Variants in EPHA6 observed in about 807,000 individuals in gnomAD.
EPHA6 encodes EPH receptor A6, also known as ephrin type-A receptor 6.
Under a neutral mutation model 112.0 loss-of-function variants are expected in EPHA6, and 50 were observed. That is an observed-to-expected ratio of 0.45 (90% CI 0.36 to 0.56). The LOEUF is 0.56. EPHA6 is among the 20% of genes least tolerant of loss of function. The pLI, the probability that EPHA6 is intolerant of heterozygous loss-of-function variation, is 0.00. For synonymous variants in EPHA6, 529 were observed against 490.7 expected, an observed-to-expected ratio of 1.08 and a Z score of -1.03; for missense variants, 1,280 against 1,417.4, an observed-to-expected ratio of 0.90 and a Z score of 1.56.
In EPHA6 at chr3:97,257,266, CAT is replaced by C. The variant is rs200148038; in HGVS notation, c.1606+12980_1606+12981del. 2.8e-4 allele frequency among the ~76,000 whole-genome samples: 43 copies of C among 151,730 alleles called. No homozygotes were observed. In the East Asian group the frequency reaches 2.9e-3, roughly 10 times the overall value. The stretch of plus-strand genomic sequence containing the variant: ...TCTAAAAAAATTACAAAGCAAAAAA[CAT>C]GTGGCTTTAATGGGAATTTCATACA... On this transcript the variant is annotated intron_variant, in intron 5 of 17. Transcript: ENST00000389672.
At chr3:97,480,256 T>C (rs890479562) in intron 9 of EPHA6, among the ~76,000 whole-genome samples, 7 of 152,002 alleles carry the variant, frequency 4.6e-5, no homozygotes, top group Non-Finnish European at 4.4e-5. Flanking sequence ...TATTTATTGA[T>C]CATTCTTGGC....
At chr3:97,196,495 AG>A (rs1359539698) in intron 3 of EPHA6, among the ~76,000 whole-genome samples, 4 of 151,918 alleles carry the variant, frequency 2.6e-5, no homozygotes, top group African/African-American at 7.3e-5. Flanking sequence ...TGCCTTATTT[AG>A]TTCATTTTGT....
intron 3 of EPHA6, among the ~76,000 whole-genome samples, chr3:97,107,430 C>A (rs2047600761): frequency 6.6e-6 from 1 of 152,096 alleles, no homozygotes. Flanking sequence ...CATTTCATTT[C>A]TTGGTTGAAG....
chr3:97,009,947 A>C (rs1576314411), intron 3 of EPHA6: 1 of 523,624 alleles, frequency 1.9e-6, no homozygotes, highest in South Asian at 1.5e-5. Context: ...GAACCTGGTT[A>C]CCTTGGTTGC....
At chr3:97,459,982 G>A (rs1433479160) in intron 7 of EPHA6, among the ~76,000 whole-genome samples, 1 of 152,170 alleles carries the variant, frequency 6.6e-6, no homozygotes, top group Non-Finnish European at 1.5e-5. Flanking sequence ...GCCATCCCAA[G>A]TCAAACCTTC....
rs556972487 is a variant in EPHA6, at chr3:97,470,858, G to A, written c.1895-4494G>A. Among the ~76,000 whole-genome samples, 15 of 151,678 alleles carry A rather than the reference G, an allele frequency of 9.9e-5. No individual in the cohort carries two copies. In the East Asian group the frequency reaches 2.9e-3, roughly 29 times the overall value. ...TTTTTATCTTTGTCCAAGAATACAA[G>A]CTAACAATTAAACAAAGGATCATTT... On this transcript the variant is annotated intron_variant, in intron 7 of 17. Transcript: ENST00000389672.
At position 96,819,757 on chromosome 3, in the gene EPHA6, AAACTG is replaced by A. The variant is rs372537510; in HGVS notation, c.385+4752_385+4756del. ...AATTTAATCAGACTGACATTTAAACAAACTGAAGATACATTCTGTTCTTGCATTAT... is the reference window on the plus strand; with the variant it reads ...AATTTAATCAGACTGACATTTAAACAAAGATACATTCTGTTCTTGCATTAT... On this transcript the variant is annotated intron_variant, in intron 1 of 17. Transcript: ENST00000389672. Among the ~76,000 whole-genome samples, 443 of 152,276 alleles carry A rather than the reference AAACTG, an allele frequency of 2.9e-3. 4 individuals carry two copies. Among genetic ancestry groups the A allele is most frequent in the African/African-American group, 9.6e-3 (401 of 41,584 alleles).
At chr3:97,049,169 A>G (rs1000698839) in intron 3 of EPHA6, among the ~76,000 whole-genome samples, 1 of 152,142 alleles carries the variant, frequency 6.6e-6, no homozygotes, top group Admixed American at 6.5e-5. Flanking sequence ...TGAAATGTAA[A>G]GGCTTTGGTT....
intron 14 of EPHA6, among the ~76,000 whole-genome samples, chr3:97,706,663 C>T (rs988169059): frequency 2.6e-5 from 4 of 152,114 alleles, no homozygotes; most frequent in African/African-American, 9.7e-5. Context: ...GTGTCCTAGT[C>T]TTTTTGTCTT....
intron 14 of EPHA6, among the ~76,000 whole-genome samples, chr3:97,680,788 TG>T (rs1365396806): frequency 2.6e-5 from 4 of 152,210 alleles, no homozygotes; most frequent in African/African-American, 9.6e-5. Context: ...ATTCTCTCTT[TG>T]CCATTCAAAT....
At chr3:97,098,216 G>C (rs758895363) in intron 3 of EPHA6, among the ~76,000 whole-genome samples, 2 of 151,842 alleles carry the variant, frequency 1.3e-5, no homozygotes, top group Admixed American at 6.6e-5. Context: ...CCCAGGGATT[G>C]GACCAAGTCT....
intron 2 of EPHA6, among the ~76,000 whole-genome samples, chr3:96,869,120 T>C (rs887647852): frequency 6.6e-6 from 1 of 152,044 alleles, no homozygotes; most frequent in Non-Finnish European, 1.5e-5. Context: ...ACTTTTTCTT[T>C]TAAGCATTGT....
chr3:97,539,757 C>T (rs2092822783), intron 11 of EPHA6, among the ~76,000 whole-genome samples: 1 of 152,146 alleles, frequency 6.6e-6, no homozygotes, highest in South Asian at 2.1e-4. Flanking sequence ...CACTCAACTT[C>T]CTTTCAAGAC....
intron 5 of EPHA6, among the ~76,000 whole-genome samples, chr3:97,317,664 T>G (rs2081910691): frequency 6.6e-6 from 1 of 152,004 alleles, no homozygotes; most frequent in South Asian, 2.1e-4. Flanking sequence ...GAAACTAAAT[T>G]CTATAATGAT....
intron 3 of EPHA6, among the ~76,000 whole-genome samples, chr3:96,988,956 G>A (rs1026107939): frequency 6.6e-6 from 1 of 151,910 alleles, no homozygotes; most frequent in Non-Finnish European, 1.5e-5. Flanking sequence ...CTAATAAAGA[G>A]CATACGTTTG....
rs550377556 is a variant in EPHA6, at chr3:97,046,593, G to A, written c.1114+58600G>A. Among the ~76,000 whole-genome samples the A allele has an allele frequency of 5.9e-5, 9 of 152,188 alleles. No homozygotes were observed. The South Asian group carries it at 1.9e-3, about 32-fold the overall frequency. On this transcript the variant is annotated intron_variant, in intron 3 of 17. Transcript: ENST00000389672. ...AAAGGAAATAAAATTGTTATTTAGA[G>A]ATATTATTATCTGTGTAGAAAATCC...
At chr3:97,101,037 A>G (rs2047388372) in intron 3 of EPHA6, among the ~76,000 whole-genome samples, 1 of 152,142 alleles carries the variant, frequency 6.6e-6, no homozygotes, top group South Asian at 2.1e-4. Flanking sequence ...TTTATAATGT[A>G]TTATGATTCA....
At chr3:96,959,846 A>G (rs2041895721) in intron 2 of EPHA6, among the ~76,000 whole-genome samples, 1 of 151,948 alleles carries the variant, frequency 6.6e-6, no homozygotes, top group Admixed American at 6.6e-5. Flanking sequence ...AATAGAGAAA[A>G]TTTACTTAAT....
At chr3:97,598,311 T>C (rs930388006) in intron 12 of EPHA6, among the ~76,000 whole-genome samples, 1 of 151,370 alleles carries the variant, frequency 6.6e-6, no homozygotes, top group Non-Finnish European at 1.5e-5. Flanking sequence ...CATGTGCACA[T>C]TGTGCAGGTT....
Sources: gnomAD v4.1 joint callset for allele counts (sites outside exome capture counted in the v4.1 genomes callset) on GRCh38, gnomAD v4.1.1 for gene constraint, MANE v1.5 for transcripts, NCBI Gene and HGNC (gene_info 2026-07-23, HGNC 2026-07-21) for gene names.